Variants in CEP68 observed in about 807,000 individuals in gnomAD.
CEP68 encodes centrosomal protein 68.
In CEP68, 26 loss-of-function variants were observed where a neutral mutation model predicts 55.3. The observed-to-expected ratio is 0.47, with a 90% CI of 0.34 to 0.65. The LOEUF (loss-of-function observed/expected upper bound fraction) is 0.65. CEP68 is among the 30% of genes least tolerant of loss of function. CEP68 has a pLI of 0.01. For synonymous variants in CEP68, 402 were observed against 383.2 expected (o/e 1.05, Z -0.57); for missense variants, 957 against 946.7 (o/e 1.01, Z -0.14).
chr2:65,057,630 T>G (rs900941314), intron 1 of CEP68, among the ~76,000 whole-genome samples: 2 of 152,212 alleles, frequency 1.3e-5, no homozygotes, highest in African/African-American at 4.8e-5. Flanking sequence ...GCACAATGCT[T>G]GGAACATAAA....
chr2:65,063,660 A>G (rs1242509856), intron 1 of CEP68, among the ~76,000 whole-genome samples: 1 of 152,168 alleles, frequency 6.6e-6, no homozygotes, highest in Non-Finnish European at 1.5e-5. Context: ...TCTCGGATCT[A>G]TGGAAATGAA....
Position 65,082,530 on chromosome 2 carries a change from T to G in CEP68, c.2105-6T>G, listed in dbSNP as rs1329192628. On this transcript the variant is annotated splice_region_variant and splice_polypyrimidine_tract_variant and intron_variant, in intron 5 of 6. Coordinates refer to ENST00000377990, the MANE Select transcript of CEP68 (RefSeq NM_015147.3). ...CTGGTTTAATTTCTTTGAACCTCAT[T>G]GTTAGTTTTAGAGGATGTCCTTGGG... 3.9e-6 allele frequency: 6 copies of G among 1,526,418 alleles called. No homozygotes were observed. Among genetic ancestry groups the G allele is most frequent in the Non-Finnish European group, 4.4e-6 (5 of 1,141,416 alleles). 94.6% of individuals were successfully genotyped at this position (1,526,418 alleles called of 1,614,324 possible). A position where few individuals can be genotyped will look rare whatever the true frequency, so the allele number is the denominator to read the frequency against.
At chr2:65,071,025 T>G (rs542652389) in intron 2 of CEP68, 1 of 175,382 alleles carries the variant, frequency 5.7e-6, no homozygotes, top group South Asian at 1.4e-4. Context: ...CAGTTACCAC[T>G]GGCGTGTGAA....
Position 65,069,506 on chromosome 2 carries a change from A to G in CEP68, c.62A>G (p.Tyr21Cys). 5.7e-6 allele frequency: 9 copies of G among 1,570,824 alleles called. No homozygotes were observed. The highest frequency in any genetic ancestry group is 1.4e-5 in the African/African-American group (1 of 73,892). Residue 21 changes from tyrosine (Y) to cysteine (C), a missense_variant, in exon 2 of 7, where the codon TAT (tyrosine) becomes TGT (cysteine). Coordinates refer to ENST00000377990, the MANE Select transcript of CEP68 (RefSeq NM_015147.3). ...TCTGAAGACACAAAGGCCCAGTCCT[A>G]TGGGAGAGGGAGCTGCAGGGAGCGG... ...EASEDTKAQSYGRGSCREREL... is the reference protein window; with the variant it reads ...EASEDTKAQSCGRGSCREREL...
Position 65,084,735 on chromosome 2 carries a change from TGA to T in CEP68, c.*1104_*1105del, listed in dbSNP as rs1668978473. 1 of 152,230 alleles carries T rather than the reference TGA, an allele frequency of 6.6e-6. No individual in the cohort carries two copies. The allele number at this position is 152,230 out of a possible 1,614,324, so 9.4% of individuals were successfully genotyped here. Reference sequence around the variant, plus strand: ...TGTGACTTTTCTGCTTCAGAATTTCTGAGACTTTATAGTCACTGGAAAATAGC... The same window carrying T: ...TGTGACTTTTCTGCTTCAGAATTTCTGACTTTATAGTCACTGGAAAATAGC... On this transcript the variant is annotated 3_prime_UTR_variant, in exon 7 of 7. Transcript: ENST00000377990.
Position 65,081,816 on chromosome 2 carries a change from T to G in CEP68, c.2105-720T>G, listed in dbSNP as rs550931796. ...GGGTTCAAGCCATTCTGCCTCAGCCTCCCGTGTAGCTGGGATTACAGGCAT... is the reference window on the plus strand; with the variant it reads ...GGGTTCAAGCCATTCTGCCTCAGCCGCCCGTGTAGCTGGGATTACAGGCAT... On this transcript the variant is annotated intron_variant, in intron 5 of 6. Coordinates refer to ENST00000377990, the MANE Select transcript of CEP68 (RefSeq NM_015147.3). Among the ~76,000 whole-genome samples, 10 of 152,342 alleles carry G rather than the reference T, an allele frequency of 6.6e-5. No homozygotes were observed. The East Asian group carries it at 1.9e-3, about 29-fold the overall frequency.
Position 65,084,365 on chromosome 2 carries a change from T to G in CEP68, c.*731T>G, listed in dbSNP as rs553603309. ...GCTTAAAGGGTAACTTTGGGAGGAC[T>G]CCTCCCTTCACTCCTAGTCTCCCTT... On this transcript the variant is annotated 3_prime_UTR_variant, in exon 7 of 7. Coordinates refer to ENST00000377990, the MANE Select transcript of CEP68 (RefSeq NM_015147.3). 98 of 152,218 alleles carry G rather than the reference T, an allele frequency of 6.4e-4. No homozygotes were observed. Among genetic ancestry groups the G allele is most frequent in the African/African-American group, 2.2e-3 (93 of 41,534 alleles). 9.4% of individuals were successfully genotyped at this position (152,218 alleles called of 1,614,324 possible).
At chr2:65,074,852 G>T in intron 4 of CEP68, 2 of 246,152 alleles carry the variant, frequency 8.1e-6, no homozygotes, top group Admixed American at 5.2e-5. Flanking sequence ...AATGTCTCAG[G>T]GATTATAAAT....
intron 1 of CEP68, among the ~76,000 whole-genome samples, chr2:65,059,740 C>A (rs569025940): frequency 6.6e-6 from 1 of 152,254 alleles, no homozygotes; most frequent in East Asian, 1.9e-4. Flanking sequence ...AAACATTTTT[C>A]TTACCAAGTC....
At chr2:65,083,434 T>A (rs1224046174) in intron 6 of CEP68, among the ~76,000 whole-genome samples, 1 of 152,238 alleles carries the variant, frequency 6.6e-6, no homozygotes, top group Non-Finnish European at 1.5e-5. Flanking sequence ...CGTACGTCGC[T>A]CCTACAACAA....
chr2:65,058,540 C>G (rs186724227), intron 1 of CEP68, among the ~76,000 whole-genome samples: 1 of 99,328 alleles, frequency 1.0e-5, no homozygotes, highest in Non-Finnish European at 1.8e-5. Flanking sequence ...GAGTTTCACT[C>G]TTCTTGGCCA....
chr2:65,068,604 G>A (rs998360837), intron 1 of CEP68, among the ~76,000 whole-genome samples: 4 of 152,338 alleles, frequency 2.6e-5, no homozygotes, highest in African/African-American at 9.6e-5. Context: ...CAGGCTGGAT[G>A]TGGTTTCTGT....
rs940340312 is a variant in CEP68, at chr2:65,083,995, A to T, written c.*361A>T. The T allele has an allele frequency of 1.3e-5, 2 of 152,244 alleles. No homozygotes were observed. The highest frequency in any genetic ancestry group is 4.8e-5 in the African/African-American group (2 of 41,460). 9.4% of individuals were successfully genotyped at this position (152,244 alleles called of 1,614,324 possible). A position where few individuals can be genotyped will look rare whatever the true frequency, so the allele number is the denominator to read the frequency against. On this transcript the variant is annotated 3_prime_UTR_variant, in exon 7 of 7. Coordinates refer to ENST00000377990, the MANE Select transcript of CEP68 (RefSeq NM_015147.3). Reference sequence around the variant, plus strand: ...GTCATTTACCAAGGGCTGGTAGGAGATTCCGAATACTCAATATTCTCAGGC... The same window carrying T: ...GTCATTTACCAAGGGCTGGTAGGAGTTTCCGAATACTCAATATTCTCAGGC...
chr2:65,057,426 C>T (rs1011077728), intron 1 of CEP68, among the ~76,000 whole-genome samples: 3 of 152,250 alleles, frequency 2.0e-5, no homozygotes, highest in Non-Finnish European at 4.4e-5. Context: ...TTCCCACCCT[C>T]TGTTGAGTCA....
chr2:65,057,708 C>T (rs1024239762), intron 1 of CEP68, among the ~76,000 whole-genome samples: 14 of 152,222 alleles, frequency 9.2e-5, no homozygotes, highest in Non-Finnish European at 1.6e-4. Flanking sequence ...GGTGACACAA[C>T]AGAAACATTT....
In CEP68 at chr2:65,069,575, G is replaced by T. The variant is rs761493048; in HGVS notation, c.131G>T (p.Arg44Leu). The change falls in exon 2 of 7, where the codon CGC becomes CTC. Residue 44 changes from arginine to leucine, a missense_variant. Physicochemically the swap from Arg to Leu is moderately radical, Grantham distance 102. Coordinates refer to ENST00000377990, the MANE Select transcript of CEP68 (RefSeq NM_015147.3). Reference protein sequence around the residue: ...PGPMSGEQPPRLEAEGGLISP... With the variant: ...PGPMSGEQPPLLEAEGGLISP... ...CCCATGAGTGGGGAGCAGCCCCCAC[G>T]CCTGGAAGCTGAGGGAGGGCTCATC... 16 of 1,613,278 alleles carry T rather than the reference G, an allele frequency of 9.9e-6. No homozygotes were observed. In the Admixed American group the frequency reaches 2.2e-4, roughly 22 times the overall value.
At chr2:65,061,474 G>T (rs1438125875) in intron 1 of CEP68, among the ~76,000 whole-genome samples, 1 of 152,284 alleles carries the variant, frequency 6.6e-6, no homozygotes, top group East Asian at 1.9e-4. Flanking sequence ...CAAGGATCCT[G>T]GGGATGGCCT....
Position 65,074,409 on chromosome 2 carries a change from T to TA in CEP68, c.2007+6dup. ...TCTTCTCTGCAGCTTTACCGGGTAA[T>TA]ATGCGGTCCTGGCTCTGGCTTGTTC... On this transcript the variant is annotated splice_donor_region_variant and intron_variant, in intron 4 of 6. Transcript: ENST00000377990. The TA allele has an allele frequency of 6.2e-7, 1 of 1,614,084 alleles. No individual in the cohort carries two copies. Among genetic ancestry groups the TA allele is most frequent in the Non-Finnish European group, 8.5e-7 (1 of 1,179,938 alleles).
At chr2:65,060,387 G>A (rs868682264) in intron 1 of CEP68, among the ~76,000 whole-genome samples, 1 of 152,158 alleles carries the variant, frequency 6.6e-6, no homozygotes. Context: ...TCTCTTGAGA[G>A]CGGTAAGATT....
Sources: allele counts gnomAD v4.1 joint callset (sites outside exome capture counted in the v4.1 genomes callset), GRCh38; gene constraint gnomAD v4.1.1; transcripts MANE v1.5; gene names NCBI Gene and HGNC (gene_info 2026-07-23, HGNC 2026-07-21).